Variants in ZNF804A observed in about 807,000 individuals in gnomAD.
The protein encoded by ZNF804A is zinc finger protein 804A.
Under a neutral mutation model 16.5 loss-of-function variants are expected in ZNF804A, and 2 were observed. The observed-to-expected ratio is 0.12, with a 90% CI of 0.05 to 0.38. ZNF804A has a LOEUF of 0.38. Ranked by LOEUF, ZNF804A falls within the 10% of genes least tolerant of loss-of-function variation. The probability of loss-of-function intolerance (pLI) is 0.99; values close to 1 mark genes in which losing one functional copy is unlikely to be tolerated. For missense variants in ZNF804A, 1,473 were observed against 1,390.7 expected, an observed-to-expected ratio of 1.06 and a Z score of -0.94; for synonymous variants, 534 against 489.6, an observed-to-expected ratio of 1.09 and a Z score of -1.20.
chr2:184,735,926 A>G (rs1693599292), intron 1 of ZNF804A, among the ~76,000 whole-genome samples: 1 of 152,222 alleles, frequency 6.6e-6, no homozygotes. Context: ...CCACACAGGC[A>G]CAGAGATACA....
chr2:184,933,885 A>C lies in ZNF804A; in HGVS notation c.386+152A>C, dbSNP rs546919014. On this transcript the variant is annotated intron_variant, in intron 3 of 3. Transcript: ENST00000302277. ...GGCCTTCTGTAGGCTGTAAACAGTA[A>C]TTTGAATTAGAATTTTATGCAAACA... 8.4e-6 allele frequency: 6 copies of C among 714,424 alleles called. No homozygotes were observed. The South Asian group carries it at 1.4e-4, about 16-fold the overall frequency. 44.3% of individuals were successfully genotyped at this position (714,424 alleles called of 1,614,324 possible).
intron 1 of ZNF804A, among the ~76,000 whole-genome samples, chr2:184,650,320 A>G (rs1691960181): frequency 6.6e-6 from 1 of 152,162 alleles, no homozygotes; most frequent in Non-Finnish European, 1.5e-5. Flanking sequence ...CAAAATAATA[A>G]GAGCCATCTA....
intron 1 of ZNF804A, among the ~76,000 whole-genome samples, chr2:184,632,270 ATTATT>A (rs1162898664): frequency 1.3e-5 from 2 of 152,106 alleles, no homozygotes; most frequent in Non-Finnish European, 2.9e-5. Flanking sequence ...TAAATATTAT[ATTATT>A]TTATGTTTTC....
intron 2 of ZNF804A, among the ~76,000 whole-genome samples, chr2:184,895,428 T>C (rs1241388929): frequency 1.3e-5 from 2 of 152,148 alleles, no homozygotes; most frequent in African/African-American, 2.4e-5. Flanking sequence ...CTCTCTGATA[T>C]GCAGATGTTC....
intron 1 of ZNF804A, among the ~76,000 whole-genome samples, chr2:184,682,208 GC>G (rs1433269919): frequency 6.6e-6 from 1 of 152,166 alleles, no homozygotes; most frequent in African/African-American, 2.4e-5. Context: ...GCCCTGCCAG[GC>G]AAAGTGGGCA....
chr2:184,861,066 G>A (rs1424761252), intron 1 of ZNF804A, among the ~76,000 whole-genome samples: 1 of 152,182 alleles, frequency 6.6e-6, no homozygotes, highest in Non-Finnish European at 1.5e-5. Flanking sequence ...CTAACCTGGT[G>A]CTAGAGCAGA....
At position 184,907,144 on chromosome 2, in the gene ZNF804A, C is replaced by G. The variant is rs911077368; in HGVS notation, c.256-26459C>G. 7.2e-5 allele frequency among the ~76,000 whole-genome samples: 11 copies of G among 152,186 alleles called. No individual in the cohort carries two copies. In the South Asian group the frequency reaches 8.3e-4, roughly 11 times the overall value. ...ATACCCTGAGGAGAGAACACAGCCA[C>G]TGTGCCTCACTTTTCATCTATGAAA... On this transcript the variant is annotated intron_variant, in intron 2 of 3. Coordinates refer to ENST00000302277, the MANE Select transcript of ZNF804A (RefSeq NM_194250.2).
intron 1 of ZNF804A, among the ~76,000 whole-genome samples, chr2:184,691,265 A>G (rs577756004): frequency 4.6e-5 from 7 of 152,028 alleles, no homozygotes; most frequent in Non-Finnish European, 8.8e-5. Context: ...AAAAACCTTC[A>G]AAAACTTTGC....
intron 2 of ZNF804A, among the ~76,000 whole-genome samples, chr2:184,878,829 T>C (rs1684759922): frequency 6.6e-6 from 1 of 152,038 alleles, no homozygotes; most frequent in Admixed American, 6.6e-5. Context: ...AAATATTTGT[T>C]TTTTTATTCT....
intron 1 of ZNF804A, among the ~76,000 whole-genome samples, chr2:184,604,450 G>A (rs1371467608): frequency 6.6e-6 from 1 of 151,980 alleles, no homozygotes; most frequent in African/African-American, 2.4e-5. Context: ...TGGGATTACA[G>A]GCGTGAGCCA....
chr2:184,620,916 G>T (rs1054402549), intron 1 of ZNF804A, among the ~76,000 whole-genome samples: 1 of 151,514 alleles, frequency 6.6e-6, no homozygotes, highest in African/African-American at 2.4e-5. Context: ...GAAGATAGCT[G>T]CAATTTATTT....
chr2:184,834,069 G>A (rs1009804459), intron 1 of ZNF804A, among the ~76,000 whole-genome samples: 3 of 151,980 alleles, frequency 2.0e-5, no homozygotes, highest in African/African-American at 2.4e-5. Context: ...TAATGGTTGT[G>A]AGTGATGATT....
intron 1 of ZNF804A, among the ~76,000 whole-genome samples, chr2:184,599,321 GTC>G (rs1691010160): frequency 6.6e-6 from 1 of 152,240 alleles, no homozygotes; most frequent in East Asian, 1.9e-4. Flanking sequence ...GATTACCACA[GTC>G]TCTCCTTATT....
intron 1 of ZNF804A, among the ~76,000 whole-genome samples, chr2:184,846,453 G>C (rs1295156578): frequency 6.6e-6 from 1 of 151,998 alleles, no homozygotes; most frequent in African/African-American, 2.4e-5. Context: ...TCTACAGTGA[G>C]ACTCTTTGCA....
intron 2 of ZNF804A, among the ~76,000 whole-genome samples, chr2:184,895,980 C>T (rs1472444334): frequency 6.6e-6 from 1 of 152,042 alleles, no homozygotes; most frequent in Non-Finnish European, 1.5e-5. Flanking sequence ...AACATAAAAA[C>T]ACATTGTGTT....
chr2:184,606,740 G>A (rs1254543373), intron 1 of ZNF804A, among the ~76,000 whole-genome samples: 1 of 152,014 alleles, frequency 6.6e-6, no homozygotes, highest in Non-Finnish European at 1.5e-5. Flanking sequence ...TCCTACCTGA[G>A]TTTCCAGCCT....
intron 1 of ZNF804A, among the ~76,000 whole-genome samples, chr2:184,828,582 C>T (rs1574231232): frequency 6.7e-6 from 1 of 150,134 alleles, no homozygotes; most frequent in Admixed American, 6.6e-5. Context: ...AGTAGTTTCT[C>T]TTATTTATGC....
chr2:184,742,526 C>A (rs987282022), intron 1 of ZNF804A, among the ~76,000 whole-genome samples: 1 of 151,856 alleles, frequency 6.6e-6, no homozygotes, highest in Non-Finnish European at 1.5e-5. Flanking sequence ...GATATTTTTG[C>A]ATATTGTATG....
intron 1 of ZNF804A, among the ~76,000 whole-genome samples, chr2:184,680,567 A>G (rs766442214): frequency 6.6e-6 from 1 of 152,228 alleles, no homozygotes; most frequent in East Asian, 1.9e-4. Flanking sequence ...TGAAAGCTGG[A>G]CAATCATCAG....
Sources: allele counts gnomAD v4.1 joint callset (sites outside exome capture counted in the v4.1 genomes callset), GRCh38; gene constraint gnomAD v4.1.1; transcripts MANE v1.5; gene names NCBI Gene and HGNC (gene_info 2026-07-23, HGNC 2026-07-21).